The following CDH8 variants were observed in gnomAD, a reference collection of about 807,000 sequenced individuals.
CDH8 encodes the protein cadherin-8.
CDH8 carries 17 observed loss-of-function variants against 68.1 expected under a neutral mutation model. The ratio of observed to expected loss-of-function variants is 0.25; its 90% CI spans 0.17 to 0.37. CDH8 has a LOEUF of 0.37. Ranked by LOEUF, CDH8 falls within the 10% of genes least tolerant of loss-of-function variation. The pLI is 1.00. For synonymous variants in CDH8, 372 were observed against 365.1 expected (o/e 1.02, Z -0.21); for missense variants, 763 against 999.3 (o/e 0.76, Z 3.19).
At chr16:61,976,644 A>G (rs1331972480) in intron 2 of CDH8, among the ~76,000 whole-genome samples, 1 of 152,198 alleles carries the variant, frequency 6.6e-6, no homozygotes, top group Non-Finnish European at 1.5e-5. Flanking sequence ...AACTGGAAGT[A>G]TTTTATTTTG....
At position 61,896,301 on chromosome 16, in the gene CDH8, A is replaced by G. The variant is rs1172543631; in HGVS notation, c.547+4878T>C. On this transcript the variant is annotated intron_variant, in intron 3 of 11. Transcript: ENST00000577390. ...TAATTTGGCTGCCATTTGGGCAAAT[A>G]TATATGTGCGTTTTGTCTTGACAGC... Among the ~76,000 whole-genome samples, 3 of 152,246 alleles carry G rather than the reference A, an allele frequency of 2.0e-5. No individual in the cohort carries two copies. In the East Asian group the frequency reaches 5.8e-4, roughly 29 times the overall value.
At chr16:61,710,415 T>C (rs1964610134) in intron 10 of CDH8, among the ~76,000 whole-genome samples, 1 of 152,084 alleles carries the variant, frequency 6.6e-6, no homozygotes, top group South Asian at 2.1e-4. Flanking sequence ...TATTCCAAAG[T>C]AATGGTTAGC....
intron 7 of CDH8, 67 bp downstream of exon 7, chr16:61,817,412 C>A (rs887576259): frequency 6.5e-7 from 1 of 1,537,300 alleles, no homozygotes; most frequent in Admixed American, 1.7e-5. Context: ...AAGGTACAAG[C>A]AAAGGCATTT....
chr16:61,935,032 AT>A (rs1964607622), intron 2 of CDH8, among the ~76,000 whole-genome samples: 1 of 152,156 alleles, frequency 6.6e-6, no homozygotes, highest in Non-Finnish European at 1.5e-5. Context: ...CATTTTTTGC[AT>A]CTTTTGCAAA....
In CDH8 at chr16:61,721,638, A is replaced by C. The variant is rs186136258; in HGVS notation, c.1536+5456T>G. The stretch of plus-strand genomic sequence containing the variant: ...AGTAAGAATGTCATTGGTCACAGGA[A>C]TGTATTGTTTTCTTTTGAAAAAAAA... On this transcript the variant is annotated intron_variant, in intron 9 of 11. Coordinates refer to ENST00000577390, the MANE Select transcript of CDH8 (RefSeq NM_001796.5). 3.8e-3 allele frequency among the ~76,000 whole-genome samples: 536 copies of C among 142,582 alleles called. 2 individuals are homozygous for C. Among genetic ancestry groups the C allele is most frequent in the South Asian group, 8.0e-3 (36 of 4,528 alleles). The allele number at this position is 142,582 out of a possible 152,430, so 93.5% of individuals were successfully genotyped here.
chr16:61,979,184 A>G (rs1965490730), intron 2 of CDH8, among the ~76,000 whole-genome samples: 1 of 152,160 alleles, frequency 6.6e-6, no homozygotes, highest in South Asian at 2.1e-4. Flanking sequence ...GACAATGCAC[A>G]TTTCAGATAT....
chr16:61,926,273 G>T (rs1456795279), intron 2 of CDH8, among the ~76,000 whole-genome samples: 2 of 151,644 alleles, frequency 1.3e-5, no homozygotes, highest in East Asian at 1.9e-4. Flanking sequence ...ATTCATTGAG[G>T]TTTGATCCTT....
intron 2 of CDH8, among the ~76,000 whole-genome samples, chr16:61,977,732 C>T (rs1965462334): frequency 6.6e-6 from 1 of 152,104 alleles, no homozygotes; most frequent in South Asian, 2.1e-4. Context: ...ATAGCATTCC[C>T]ATAAGACATC....
intron 2 of CDH8, among the ~76,000 whole-genome samples, chr16:61,973,920 C>T (rs1219844760): frequency 1.3e-5 from 2 of 152,210 alleles, no homozygotes; most frequent in African/African-American, 4.8e-5. Context: ...TTCCCTTAGA[C>T]TTGTCCATCA....
chr16:61,964,222 A>G (rs758026214), intron 2 of CDH8, among the ~76,000 whole-genome samples: 3 of 152,198 alleles, frequency 2.0e-5, no homozygotes, highest in Non-Finnish European at 4.4e-5. Flanking sequence ...TGAGTTCTAC[A>G]TACATTTTAA....
chr16:61,781,815 T>C (rs1961064255), intron 8 of CDH8, among the ~76,000 whole-genome samples: 1 of 152,176 alleles, frequency 6.6e-6, no homozygotes, highest in African/African-American at 2.4e-5. Flanking sequence ...GTTTACATCT[T>C]TCTAAATGAG....
At chr16:61,906,954 T>C (rs938791940) in intron 2 of CDH8, among the ~76,000 whole-genome samples, 1 of 152,172 alleles carries the variant, frequency 6.6e-6, no homozygotes, top group African/African-American at 2.4e-5. Flanking sequence ...GGATGAATAA[T>C]GGATGATAGA....
intron 2 of CDH8, among the ~76,000 whole-genome samples, chr16:62,002,903 A>C (rs1003097171): frequency 6.6e-6 from 1 of 152,128 alleles, no homozygotes; most frequent in Non-Finnish European, 1.5e-5. Flanking sequence ...AATACAAAAA[A>C]TTAGCTGGGC....
intron 8 of CDH8, among the ~76,000 whole-genome samples, chr16:61,788,016 C>T (rs1000263777): frequency 1.3e-5 from 2 of 149,994 alleles, no homozygotes; most frequent in Non-Finnish European, 3.0e-5. Flanking sequence ...TGTAGCGCAC[C>T]AGCATGGCAC....
chr16:61,801,562 C>A (rs976207863), intron 7 of CDH8, among the ~76,000 whole-genome samples: 36 of 152,316 alleles, frequency 2.4e-4, no homozygotes, highest in Admixed American at 9.8e-4. Flanking sequence ...TACCGGGTTT[C>A]TCTCACTAGG....
intron 4 of CDH8, among the ~76,000 whole-genome samples, chr16:61,833,622 T>C (rs1962508672): frequency 6.6e-6 from 1 of 151,932 alleles, no homozygotes; most frequent in Non-Finnish European, 1.5e-5. Context: ...TTACATGACT[T>C]GTCTCCAAAC....
At chr16:61,700,279 T>G (rs920346421) in intron 10 of CDH8, among the ~76,000 whole-genome samples, 3 of 132,758 alleles carry the variant, frequency 2.3e-5, no homozygotes, top group Non-Finnish European at 3.4e-5. Flanking sequence ...TTTTTAGTTG[T>G]TTTTTTTTTT....
intron 3 of CDH8, among the ~76,000 whole-genome samples, chr16:61,868,325 A>G (rs1293713308): frequency 6.6e-6 from 1 of 152,222 alleles, no homozygotes; most frequent in African/African-American, 2.4e-5. Flanking sequence ...TTGGGTAAAT[A>G]TATAAATAAG....
intron 11 of CDH8, among the ~76,000 whole-genome samples, chr16:61,654,797 A>G (rs1443322836): frequency 6.6e-6 from 1 of 152,210 alleles, no homozygotes; most frequent in African/African-American, 2.4e-5. Flanking sequence ...CAAGAAAGAC[A>G]GTAACTGATA....
Sources: gnomAD v4.1 joint callset for allele counts (sites outside exome capture counted in the v4.1 genomes callset) on GRCh38, gnomAD v4.1.1 for gene constraint, MANE v1.5 for transcripts, NCBI Gene and HGNC (gene_info 2026-07-23, HGNC 2026-07-21) for gene names.